DICER1: variants seen among roughly 807,000 people sequenced by gnomAD.
The protein encoded by DICER1 is endoribonuclease Dicer.
Under a neutral mutation model 194.1 loss-of-function variants are expected in DICER1, and 43 were observed. The ratio of observed to expected loss-of-function variants is 0.22; its 90% confidence interval spans 0.17 to 0.29. The LOEUF is 0.29. Ranked by LOEUF, DICER1 falls within the 10% of genes least tolerant of loss-of-function variation. The pLI, the probability that DICER1 is intolerant of heterozygous loss-of-function variation, is 1.00. For missense variants in DICER1, 1,608 were observed against 2,317.0 expected (o/e 0.69, Z 6.28); for synonymous variants, 832 against 820.5 (o/e 1.01, Z -0.24).
At position 95,133,481 on chromosome 14, in the gene DICER1, C is replaced by G; in HGVS notation, c.-23G>C. On this transcript the variant is annotated 5_prime_UTR_variant, in exon 2 of 27. It removes an upstream start codon present in the reference 5' UTR. Coordinates refer to ENST00000343455, the MANE Select transcript of DICER1 (RefSeq NM_177438.3). ...CATTCATCCAGTGTTTCTTTCATTG[C>G]ATTTTTGTTCTAGCACAGCTTACTA... 2 of 1,603,750 alleles carry G rather than the reference C, an allele frequency of 1.2e-6. No individual in the cohort carries two copies. Among genetic ancestry groups the G allele is most frequent in the Non-Finnish European group, 1.7e-6 (2 of 1,174,250 alleles).
intron 4 of DICER1, 132 bp downstream of exon 4, chr14:95,131,377 G>C (rs933640847): frequency 1.2e-6 from 1 of 841,604 alleles, no homozygotes. Flanking sequence ...ATCAGGACTA[G>C]CTTCTAGGCT....
chr14:95,095,622 C>T, intron 23 of DICER1: 1 of 639,492 alleles, frequency 1.6e-6, no homozygotes, highest in Non-Finnish European at 2.8e-6. Context: ...GCCATACTCC[C>T]AACAACCAAA....
rs1459241485 is a variant in DICER1 at position 95,087,546 on chromosome 14, CCT to C, written c.*2950_*2951del. ...CAGCAAGGCCAAACCACATTTTTTT[CCT>C]CTCTGTTAAGCATATTTTCTTGAAA... On this transcript the variant is annotated 3_prime_UTR_variant, in exon 27 of 27. Transcript: ENST00000343455. The C allele has an allele frequency of 8.6e-6, 2 of 232,880 alleles. No homozygotes were observed. The highest frequency in any genetic ancestry group is 1.1e-4 in the Admixed American group (2 of 17,770). The allele number at this position is 232,880 out of a possible 1,614,324, so 14.4% of individuals were successfully genotyped here. A position where few individuals can be genotyped will look rare whatever the true frequency, so the allele number is the denominator to read the frequency against.
In DICER1 at chr14:95,105,499, A is replaced by G. The variant is rs17091820; in HGVS notation, c.3093+179T>C. Among the ~76,000 whole-genome samples the G allele has an allele frequency of 0.012, 1,776 of 152,342 alleles. 41 individuals are homozygous for G. The highest frequency in any genetic ancestry group is 0.04 in the African/African-American group (1,670 of 41,570). Reference sequence around the variant, plus strand: ...AATACTTACCAAAAAGAACATTCAAATAACATTCAACACATAATACTAATT... The same window carrying G: ...AATACTTACCAAAAAGAACATTCAAGTAACATTCAACACATAATACTAATT... On this transcript the variant is annotated intron_variant, in intron 19 of 26. Coordinates refer to ENST00000343455, the MANE Select transcript of DICER1 (RefSeq NM_177438.3). This position sits in a 1 kb window ranked among gnomAD's most constrained non-coding sequence, Gnocchi z 4.9.
intron 1 of DICER1, among the ~76,000 whole-genome samples, chr14:95,139,685 C>T (rs1052715572): frequency 6.6e-6 from 1 of 152,136 alleles, no homozygotes; most frequent in African/African-American, 2.4e-5. Flanking sequence ...CAATAATATA[C>T]AGAACAGAAT....
At chr14:95,107,793 T>TA (rs781202222) in intron 16 of DICER1, 32 bp from the exon 17 acceptor site, 2 of 1,612,564 alleles carry the variant, frequency 1.2e-6, no homozygotes, top group Non-Finnish European at 1.7e-6. Flanking sequence ...TTTAGCTTGT[T>TA]AAAACATGAT....
chr14:95,155,062 A>G (rs957073933), intron 1 of DICER1, among the ~76,000 whole-genome samples: 1 of 152,192 alleles, frequency 6.6e-6, no homozygotes, highest in Non-Finnish European at 1.5e-5. Flanking sequence ...ACCAAACCAC[A>G]ATTCGATCTC....
chr14:95,097,125 A>G (rs1890426650), intron 22 of DICER1, among the ~76,000 whole-genome samples: 1 of 152,256 alleles, frequency 6.6e-6, no homozygotes, highest in South Asian at 2.1e-4. Flanking sequence ...AAAATGTGGT[A>G]ATTTGATTTT....
At position 95,113,177 on chromosome 14, in the gene DICER1, T is replaced by A. The variant is rs755150419; in HGVS notation, c.1955A>T (p.Lys652Ile). 1 of 1,613,734 alleles carries A rather than the reference T, an allele frequency of 6.2e-7. No individual in the cohort carries two copies. The highest frequency in any genetic ancestry group is 1.1e-5 in the South Asian group (1 of 91,084). ...PSDPFTHLAP[K>I]CRTRELPDGT... ...ATCAGGCAACTCTCGGGTTCTGCATTTAGGAGCTAGATGAGTAAACGGATC... is the reference window on the plus strand; with the variant it reads ...ATCAGGCAACTCTCGGGTTCTGCATATAGGAGCTAGATGAGTAAACGGATC... The change falls in exon 12 of 27, where the codon AAA becomes ATA. Residue 652 changes from lysine to isoleucine, a missense_variant. Around this residue, in one of 10 missense-constraint regions of DICER1, gnomAD observed 657 missense variants for 910.1 expected, o/e 0.72. Transcript: ENST00000343455.
At chr14:95,126,468 C>T in intron 7 of DICER1, 112 bp downstream of exon 7, 1 of 717,136 alleles carries the variant, frequency 1.4e-6, no homozygotes, top group Non-Finnish European at 2.3e-6. Flanking sequence ...AGATTAAGAC[C>T]TTAAACTAAA....
intron 20 of DICER1, among the ~76,000 whole-genome samples, chr14:95,104,518 C>T (rs1429242059): frequency 6.6e-6 from 1 of 152,218 alleles, no homozygotes; most frequent in Non-Finnish European, 1.5e-5. Context: ...ATTCCTATCT[C>T]ATAGCACTGT....
At chr14:95,150,587 C>T (rs114541397) in intron 1 of DICER1, among the ~76,000 whole-genome samples, 1 of 152,156 alleles carries the variant, frequency 6.6e-6, no homozygotes, top group Non-Finnish European at 1.5e-5. Context: ...AGAAAAGTCA[C>T]CATTTTTAAC....
At chr14:95,153,737 G>C (rs1167219217) in intron 1 of DICER1, among the ~76,000 whole-genome samples, 3 of 151,978 alleles carry the variant, frequency 2.0e-5, no homozygotes, top group Non-Finnish European at 4.4e-5. Context: ...CCTATTATAA[G>C]ACCATTTCAA....
At chr14:95,115,592 A>T in intron 11 of DICER1, 75 bp downstream of exon 11, 1 of 1,531,012 alleles carries the variant, frequency 6.5e-7, no homozygotes, top group Non-Finnish European at 9.1e-7. Context: ...AATGTCAACA[A>T]TACAAAATGT....
chr14:95,105,299 A>T lies in DICER1; in HGVS notation c.3094-53T>A. 2 of 889,440 alleles carry T rather than the reference A, an allele frequency of 2.2e-6. No homozygotes were observed. The highest frequency in any genetic ancestry group is 3.2e-6 in the Non-Finnish European group (2 of 634,350). 55.1% of individuals were successfully genotyped at this position (889,440 alleles called of 1,614,324 possible). On this transcript the variant is annotated intron_variant, in intron 19 of 26. Coordinates refer to ENST00000343455, the MANE Select transcript of DICER1 (RefSeq NM_177438.3). This position sits in a 1 kb window ranked among gnomAD's most constrained non-coding sequence, Gnocchi z 4.9. ...TAAATACAAAGCGCACACACAAAAG[A>T]AAAAAAAAAAGACCAATTTCACTAA...
intron 3 of DICER1, 78 bp from the exon 4 acceptor site, chr14:95,131,717 G>T (rs1893967842): frequency 2.4e-6 from 3 of 1,263,750 alleles, no homozygotes; most frequent in Admixed American, 1.7e-5. Context: ...ATGATTAACA[G>T]TCTACAGAAA....
intron 1 of DICER1, among the ~76,000 whole-genome samples, chr14:95,144,307 C>T (rs1341413118): frequency 2.6e-5 from 4 of 152,150 alleles, no homozygotes; most frequent in South Asian, 4.1e-4. Context: ...TAGGAAGCAG[C>T]CTCTTTTTTT....
At chr14:95,111,589 T>C (rs1205525871) in intron 13 of DICER1, 133 bp from the exon 14 acceptor site, 1 of 989,932 alleles carries the variant, frequency 1.0e-6, no homozygotes, top group Non-Finnish European at 1.6e-6. Flanking sequence ...TTTTACAATT[T>C]AAAAGTAATC....
At chr14:95,138,994 T>TAA (rs67050539) in intron 1 of DICER1, among the ~76,000 whole-genome samples, 27 of 135,980 alleles carry the variant, frequency 2.0e-4, no homozygotes, top group Admixed American at 1.0e-3. Context: ...AATAAAAAAA[T>TAA]AAAAAAAAAA....
Sources: gnomAD v4.1 joint callset for allele counts (sites outside exome capture counted in the v4.1 genomes callset) on GRCh38, gnomAD v4.1.1 for gene constraint, gnomAD v4.1.1 regional missense constraint, Gnocchi (gnomAD v3.1) non-coding constraint, MANE v1.5 for transcripts, NCBI Gene and HGNC (gene_info 2026-07-23, HGNC 2026-07-21) for gene names.